Variants in SEMA3A observed in about 807,000 individuals in gnomAD.
SEMA3A encodes the protein semaphorin-3A.
A neutral mutation model predicts 97.9 loss-of-function variants in SEMA3A; 29 were observed. The ratio of observed to expected loss-of-function variants is 0.30; its 90% CI spans 0.22 to 0.40. The LOEUF is 0.40. SEMA3A is among the 10% of genes least tolerant of loss of function. SEMA3A has a pLI of 1.00. For synonymous variants in SEMA3A, 321 were observed against 323.7 expected, an observed-to-expected ratio of 0.99 and a Z score of 0.09; for missense variants, 763 against 951.3, an observed-to-expected ratio of 0.80 and a Z score of 2.60.
At chr7:84,379,713 A>G (rs1485197199) in intron 1 of SEMA3A, among the ~76,000 whole-genome samples, 2 of 152,186 alleles carry the variant, frequency 1.3e-5, no homozygotes, top group East Asian at 3.9e-4. Context: ...AAAGAAAAAC[A>G]ACAAAACTAA....
chr7:84,095,567 A>G (rs1373967983), intron 4 of SEMA3A, among the ~76,000 whole-genome samples: 4 of 148,510 alleles, frequency 2.7e-5, no homozygotes, highest in Non-Finnish European at 5.9e-5. Flanking sequence ...TTCATGCCCT[A>G]TGTCTTATGT....
At chr7:83,963,038 C>G (rs935216344) in intron 16 of SEMA3A, among the ~76,000 whole-genome samples, 167 bp downstream of exon 16, 5 of 152,134 alleles carry the variant, frequency 3.3e-5, no homozygotes, top group African/African-American at 1.2e-4. Context: ...CAAAGTCTGT[C>G]ACGTCATCAG....
At chr7:84,161,215 T>C (rs992944285) in intron 1 of SEMA3A, among the ~76,000 whole-genome samples, 1 of 151,670 alleles carries the variant, frequency 6.6e-6, no homozygotes, top group Non-Finnish European at 1.5e-5. Flanking sequence ...AATGCAAAAA[T>C]TAGCCAGGTG....
At chr7:84,249,368 C>CTTCT (rs141713074) in intron 3 of SEMA3A, among the ~76,000 whole-genome samples, 1 of 143,140 alleles carries the variant, frequency 7.0e-6, no homozygotes, top group East Asian at 2.1e-4. Context: ...CTCTGTCTAT[C>CTTCT]ATCTATCTAT....
At chr7:84,276,947 A>T (rs984348552) in intron 3 of SEMA3A, among the ~76,000 whole-genome samples, 4 of 152,090 alleles carry the variant, frequency 2.6e-5, no homozygotes, top group African/African-American at 9.7e-5. Context: ...TTATTAACTA[A>T]ATGTAAAATA....
At chr7:84,421,490 T>A (rs1177844142) in intron 1 of SEMA3A, among the ~76,000 whole-genome samples, 1 of 152,118 alleles carries the variant, frequency 6.6e-6, no homozygotes, top group Non-Finnish European at 1.5e-5. Flanking sequence ...CCTCTCTTCC[T>A]ATTTGAATAC....
chr7:84,161,446 T>C (rs6966352), intron 1 of SEMA3A, among the ~76,000 whole-genome samples: 9,748 of 152,230 alleles, frequency 0.064, 667 homozygotes, highest in African/African-American at 0.17. Context: ...CTGTCTATAG[T>C]ACAAATCATC....
intron 6 of SEMA3A, among the ~76,000 whole-genome samples, chr7:84,030,684 T>C (rs1347573509): frequency 1.3e-5 from 2 of 152,172 alleles, no homozygotes; most frequent in African/African-American, 4.8e-5. Context: ...ACAATTATAA[T>C]AACAGATTCC....
chr7:84,467,569 G>T (rs2527541), intron 1 of SEMA3A, among the ~76,000 whole-genome samples: 38,926 of 148,916 alleles, frequency 0.26, 6,804 homozygotes, highest in East Asian at 0.62. Flanking sequence ...CCAGGCACTG[G>T]ACTTTTGTCC....
At chr7:84,055,550 G>A (rs1285218725) in intron 5 of SEMA3A, among the ~76,000 whole-genome samples, 14 of 151,788 alleles carry the variant, frequency 9.2e-5, no homozygotes, top group South Asian at 4.2e-4. Context: ...GCTATGCCTC[G>A]CCCTGCTTTG....
chr7:84,158,156 T>TC, intron 1 of SEMA3A, among the ~76,000 whole-genome samples: 1 of 138,394 alleles, frequency 7.2e-6, no homozygotes, highest in Non-Finnish European at 1.6e-5. Flanking sequence ...TTCTTTTTTT[T>TC]TTTTTTTTTT....
intron 1 of SEMA3A, among the ~76,000 whole-genome samples, chr7:84,400,870 T>C (rs1428457254): frequency 6.6e-6 from 1 of 152,104 alleles, no homozygotes. Context: ...AAGAAATACC[T>C]CAAATCAATA....
intron 1 of SEMA3A, among the ~76,000 whole-genome samples, chr7:84,179,623 T>C (rs1797676632): frequency 6.6e-6 from 1 of 152,160 alleles, no homozygotes. Context: ...TCCAGCACTA[T>C]GTTGTGAGGT....
At chr7:84,461,155 TAGAC>T (rs1312475830) in intron 1 of SEMA3A, among the ~76,000 whole-genome samples, 4 of 152,302 alleles carry the variant, frequency 2.6e-5, no homozygotes, top group South Asian at 2.1e-4. Context: ...TGTCATGTAA[TAGAC>T]AGGATCCTCT....
chr7:84,014,710 T>G (rs1791025946), intron 6 of SEMA3A, among the ~76,000 whole-genome samples: 1 of 152,190 alleles, frequency 6.6e-6, no homozygotes, highest in Non-Finnish European at 1.5e-5. Context: ...TTCTTTCTTT[T>G]AAGCATAAGA....
In SEMA3A at chr7:83,960,501, T is replaced by G. The variant is rs1288863133; in HGVS notation, c.*870A>C. On this transcript the variant is annotated 3_prime_UTR_variant, in exon 17 of 17. Coordinates refer to ENST00000265362, the MANE Select transcript of SEMA3A (RefSeq NM_006080.3). ...TTTTCTCAGAGAAATAAAGCATAAT[T>G]TATATCCTGGTTTTAGAGATTCACT... The G allele has an allele frequency of 6.6e-6, 1 of 152,458 alleles. No homozygotes were observed. Among genetic ancestry groups the G allele is most frequent in the Non-Finnish European group, 1.5e-5 (1 of 67,950 alleles). The allele number at this position is 152,458 out of a possible 1,614,324, so 9.4% of individuals were successfully genotyped here. A position where few individuals can be genotyped will look rare whatever the true frequency, so the allele number is the denominator to read the frequency against.
At chr7:83,989,407 A>G (rs1022104626) in intron 12 of SEMA3A, among the ~76,000 whole-genome samples, 4 of 150,434 alleles carry the variant, frequency 2.7e-5, no homozygotes, top group Non-Finnish European at 5.9e-5. Flanking sequence ...ATGCTGGTGC[A>G]CTGCACCCAC....
intron 5 of SEMA3A, among the ~76,000 whole-genome samples, chr7:84,051,699 T>C (rs1251099431): frequency 1.3e-5 from 2 of 152,174 alleles, no homozygotes; most frequent in African/African-American, 2.4e-5. Context: ...GAATACCCTT[T>C]ATTTCTTTCT....
chr7:84,371,763 AG>A (rs1465753797), intron 2 of SEMA3A: 1 of 151,996 alleles, frequency 6.6e-6, no homozygotes, highest in African/African-American at 2.4e-5. Flanking sequence ...TTCCACTTAA[AG>A]TCAAACACCA....
Sources: gnomAD v4.1 joint callset for allele counts (sites outside exome capture counted in the v4.1 genomes callset) on GRCh38, gnomAD v4.1.1 for gene constraint, MANE v1.5 for transcripts, NCBI Gene and HGNC (gene_info 2026-07-23, HGNC 2026-07-21) for gene names.